LINGO1: variants seen among roughly 807,000 people sequenced by gnomAD.
LINGO1 encodes leucine rich repeat and Ig domain containing 1, also known as leucine-rich repeat and immunoglobulin-like domain-containing nogo receptor-interacting protein 1.
LINGO1 carries 11 observed loss-of-function variants against 37.3 expected under a neutral mutation model. The ratio of observed to expected loss-of-function variants is 0.29; its 90% CI spans 0.19 to 0.49. The LOEUF is 0.49. Among genes scored for constraint, LINGO1 ranks in the 20% least tolerant of loss-of-function variants. The pLI, the probability that LINGO1 is intolerant of heterozygous loss-of-function variation, is 0.99. For synonymous variants in LINGO1, 387 were observed against 403.0 expected, an observed-to-expected ratio of 0.96 and a Z score of 0.48; for missense variants, 585 against 878.2, an observed-to-expected ratio of 0.67 and a Z score of 4.22.
chr15:77,669,730 A>G (rs2141200843), intron 3 of LINGO1, among the ~76,000 whole-genome samples: 1 of 152,240 alleles, frequency 6.6e-6, no homozygotes, highest in East Asian at 1.9e-4. Context: ...GGGCCAGGGA[A>G]GGAATGAAAG....
chr15:77,631,148 G>A (rs979669679), intron 1 of LINGO1, among the ~76,000 whole-genome samples: 1 of 152,226 alleles, frequency 6.6e-6, no homozygotes, highest in Non-Finnish European at 1.5e-5. Flanking sequence ...AGGCACCAGT[G>A]CTGAAGCCAC....
At chr15:77,742,569 T>C (rs1031706129) in intron 1 of LINGO1, among the ~76,000 whole-genome samples, 2 of 152,148 alleles carry the variant, frequency 1.3e-5, no homozygotes, top group African/African-American at 4.8e-5. Flanking sequence ...CTGTTAACCA[T>C]GAGAGCCAGA....
At chr15:77,648,279 A>G (rs2074681399) in intron 3 of LINGO1, 1 of 199,568 alleles carries the variant, frequency 5.0e-6, no homozygotes, top group Non-Finnish European at 1.0e-5. Context: ...CCTGTGAGGC[A>G]GATCCATGAC....
chr15:77,673,243 T>G (rs767018800), intron 3 of LINGO1, among the ~76,000 whole-genome samples: 1 of 152,160 alleles, frequency 6.6e-6, no homozygotes, highest in Non-Finnish European at 1.5e-5. Context: ...AGTGATAGAC[T>G]TGAACACAGG....
exon 2 of LINGO1, chr15:77,690,778 C>G (rs10851895): frequency 0.41 from 61,985 of 152,216 alleles, 13,398 homozygotes; most frequent in African/African-American, 0.56. Context: ...TTGGCCCAGG[C>G]TGGGGTCAGG....
intron 3 of LINGO1, among the ~76,000 whole-genome samples, chr15:77,658,398 AAC>A (rs2141160402): frequency 6.6e-6 from 1 of 152,290 alleles, no homozygotes; most frequent in Admixed American, 6.5e-5. Flanking sequence ...TCGCTCAACA[AAC>A]ACTGACCAGG....
chr15:77,730,863 T>G (rs2076147987), intron 2 of LINGO1, among the ~76,000 whole-genome samples: 1 of 152,174 alleles, frequency 6.6e-6, no homozygotes. Context: ...AAATGACAGC[T>G]GGGGCAGGGT....
intron 3 of LINGO1, among the ~76,000 whole-genome samples, chr15:77,656,926 G>C (rs1163896943): frequency 1.3e-5 from 2 of 152,174 alleles, no homozygotes; most frequent in Non-Finnish European, 2.9e-5. Context: ...CAGCAGTCCT[G>C]GTCTCTGAGC....
intron 3 of LINGO1, among the ~76,000 whole-genome samples, chr15:77,655,802 G>C (rs2074852527): frequency 6.6e-6 from 1 of 152,206 alleles, no homozygotes; most frequent in African/African-American, 2.4e-5. Context: ...CGGTGGGGCT[G>C]ATGGGTGGAC....
At chr15:77,804,609 G>T (rs887581742) in intron 1 of LINGO1, among the ~76,000 whole-genome samples, 3 of 152,202 alleles carry the variant, frequency 2.0e-5, no homozygotes, top group Admixed American at 2.0e-4. Context: ...TGGTTCACGT[G>T]AGTCTATCTG....
intron 2 of LINGO1, among the ~76,000 whole-genome samples, chr15:77,730,786 C>A (rs2076147118): frequency 6.6e-6 from 1 of 152,254 alleles, no homozygotes; most frequent in African/African-American, 2.4e-5. Context: ...GAAGGACTTG[C>A]AGGCAGGTTA....
rs143078941 is a variant in LINGO1 at position 77,693,713 on chromosome 15, G to A, written c.-281+2678C>T. On this transcript the variant is annotated intron_variant, in intron 1 of 3. Transcript: ENST00000559893. The stretch of plus-strand genomic sequence containing the variant: ...AGGACAAGAAGACAGGCTTAGCCAG[G>A]GTGATGGCACAGAGAGGGAGGAAAC... 8.6e-3 allele frequency among the ~76,000 whole-genome samples: 1,310 copies of A among 152,290 alleles called. 13 individuals carry two copies. The highest frequency in any genetic ancestry group is 0.03 in the African/African-American group (1,254 of 41,546).
In LINGO1 at chr15:77,816,986, A is replaced by G. The variant is rs550585803; in HGVS notation, c.-458+3272T>C. Among the ~76,000 whole-genome samples, 457 of 147,090 alleles carry G rather than the reference A, an allele frequency of 3.1e-3. 3 individuals are homozygous for G. The highest frequency in any genetic ancestry group is 0.01 in the African/African-American group (423 of 40,600). On this transcript the variant is annotated intron_variant, in intron 1 of 5. Coordinates refer to the LINGO1 transcript ENST00000562933. ...GAGGAAGAGGAGCTGAGAGAGAGAG[A>G]GAGAAGAAAAAAACAATGGCAAAGA...
chr15:77,740,928 C>CT (rs2076257257), intron 1 of LINGO1, among the ~76,000 whole-genome samples: 1 of 152,364 alleles, frequency 6.6e-6, no homozygotes, highest in Admixed American at 6.5e-5. Flanking sequence ...GTGGCAGCAG[C>CT]CTCCCTCCTG....
In LINGO1 at chr15:77,615,689, G is replaced by A. The variant is rs2073685637; in HGVS notation, c.218C>T (p.Thr73Met). The A allele has an allele frequency of 6.2e-7, 1 of 1,605,672 alleles. No individual in the cohort carries two copies. Among genetic ancestry groups the A allele is most frequent in the South Asian group, 1.1e-5 (1 of 90,050 alleles). ...VAVPEGIPTE[T>M]RLLDLGKNRI... ...GTTCTTGCCTAGGTCCAGCAGGCGCGTCTCGGTGGGGATGCCCTCGGGGAC... is the reference window on the plus strand; with the variant it reads ...GTTCTTGCCTAGGTCCAGCAGGCGCATCTCGGTGGGGATGCCCTCGGGGAC... The change falls in exon 2 of 2, where the codon ACG (threonine) becomes ATG (methionine). Residue 73 changes from threonine (T) to methionine (M), a missense_variant. Transcript: ENST00000355300.
chr15:77,781,751 C>A (rs1309114498), intron 1 of LINGO1, among the ~76,000 whole-genome samples: 2 of 152,346 alleles, frequency 1.3e-5, no homozygotes, highest in East Asian at 3.9e-4. Flanking sequence ...CAAGGTCACA[C>A]AGTGGTCTGT....
At chr15:77,745,430 A>G (rs1206270952) in intron 1 of LINGO1, among the ~76,000 whole-genome samples, 1 of 128,278 alleles carries the variant, frequency 7.8e-6, no homozygotes, top group Non-Finnish European at 1.8e-5. Flanking sequence ...GTCTCAAAAG[A>G]AAAAAAAAAA....
chr15:77,675,655 T>TGAACC (rs2075314896), intron 3 of LINGO1, among the ~76,000 whole-genome samples: 1 of 152,208 alleles, frequency 6.6e-6, no homozygotes, highest in African/African-American at 2.4e-5. Flanking sequence ...AGAAGGGGCT[T>TGAACC]GAACCGCATG....
intron 1 of LINGO1, among the ~76,000 whole-genome samples, chr15:77,620,606 T>G (rs2073887465): frequency 6.6e-6 from 1 of 152,270 alleles, no homozygotes; most frequent in Non-Finnish European, 1.5e-5. Context: ...TCCACTTCAG[T>G]GTCCCTGAGG....
Sources: allele counts gnomAD v4.1 joint callset (sites outside exome capture counted in the v4.1 genomes callset), GRCh38; gene constraint gnomAD v4.1.1; transcripts MANE v1.5; gene names NCBI Gene and HGNC (gene_info 2026-07-23, HGNC 2026-07-21).